DDX10: variants seen among roughly 807,000 people sequenced by gnomAD.
The protein encoded by DDX10 is DEAD-box helicase 10, also known as probable ATP-dependent RNA helicase DDX10.
DDX10 carries 74 observed loss-of-function variants against 104.3 expected under a neutral mutation model. The ratio of observed to expected loss-of-function variants is 0.71; its 90% CI spans 0.59 to 0.86. The LOEUF is 0.86. DDX10 is among the 40% of genes least tolerant of loss of function. The pLI is 0.00. For missense variants in DDX10, 952 were observed against 1,040.0 expected, an observed-to-expected ratio of 0.92 and a Z score of 1.16; for synonymous variants, 351 against 353.4, an observed-to-expected ratio of 0.99 and a Z score of 0.08.
intron 9 of DDX10, among the ~76,000 whole-genome samples, chr11:108,701,675 CTTTTTTT>C (rs55916940): frequency 6.5e-4 from 50 of 77,400 alleles, no homozygotes; most frequent in African/African-American, 2.1e-3. Context: ...TTCTTCTTCT[CTTTTTTT>C]TTTTTTTTTT....
chr11:108,755,612 A>G (rs1475733426), intron 13 of DDX10, among the ~76,000 whole-genome samples: 2 of 152,098 alleles, frequency 1.3e-5, no homozygotes, highest in South Asian at 4.1e-4. Flanking sequence ...GAGCTTGCAG[A>G]TATTTTATGG....
At chr11:108,852,256 A>G (rs1199250587) in intron 16 of DDX10, 47 bp downstream of exon 16, 2 of 1,460,898 alleles carry the variant, frequency 1.4e-6, no homozygotes, top group East Asian at 4.6e-5. Context: ...TTAAGGTAGA[A>G]TGGACAAAAG....
chr11:108,845,703 T>C (rs569124509), intron 15 of DDX10, among the ~76,000 whole-genome samples: 52 of 152,384 alleles, frequency 3.4e-4, no homozygotes, highest in African/African-American at 1.1e-3. Context: ...CTTCTGTATT[T>C]GACACATTTC....
At chr11:108,887,959 TC>T (rs79322968) in intron 16 of DDX10, among the ~76,000 whole-genome samples, 4 of 151,412 alleles carry the variant, frequency 2.6e-5, no homozygotes, top group African/African-American at 4.9e-5. Context: ...ACAGCTTTTT[TC>T]CCCCCCACTT....
intron 17 of DDX10, among the ~76,000 whole-genome samples, chr11:108,928,394 A>T (rs934791158): frequency 1.3e-5 from 2 of 152,200 alleles, no homozygotes; most frequent in African/African-American, 4.8e-5. Context: ...CAGGTGTGAG[A>T]TATGAATTAC....
chr11:108,776,524 T>G (rs959855760), intron 13 of DDX10, among the ~76,000 whole-genome samples: 1 of 152,104 alleles, frequency 6.6e-6, no homozygotes, highest in East Asian at 1.9e-4. Context: ...GTGGGTACAG[T>G]ACATAGAATT....
At chr11:108,786,127 G>A (rs1341306303) in intron 13 of DDX10, among the ~76,000 whole-genome samples, 3 of 152,018 alleles carry the variant, frequency 2.0e-5, no homozygotes, top group African/African-American at 7.2e-5. Flanking sequence ...TTCAGAAGCA[G>A]GTTGTTTAAT....
chr11:108,709,187 C>T (rs1377466317), intron 10 of DDX10, among the ~76,000 whole-genome samples: 1 of 152,098 alleles, frequency 6.6e-6, no homozygotes, highest in East Asian at 1.9e-4. Context: ...GGAGAGCTTC[C>T]AGTTTCTCAC....
At chr11:108,857,834 G>A (rs1483370351) in intron 16 of DDX10, among the ~76,000 whole-genome samples, 1 of 152,206 alleles carries the variant, frequency 6.6e-6, no homozygotes, top group East Asian at 1.9e-4. Flanking sequence ...CAATTTGAGA[G>A]TCTTAAAAAC....
chr11:108,927,594 A>G (rs1017342545), intron 17 of DDX10, among the ~76,000 whole-genome samples: 7 of 151,336 alleles, frequency 4.6e-5, no homozygotes, highest in African/African-American at 7.3e-5. Context: ...TTTTTCTTCT[A>G]TGTTGCCTTG....
chr11:108,771,058 T>G (rs548761349), intron 13 of DDX10, among the ~76,000 whole-genome samples: 1 of 152,228 alleles, frequency 6.6e-6, no homozygotes, highest in Non-Finnish European at 1.5e-5. Context: ...TGGGGTGAGA[T>G]GATAACCTCA....
At chr11:108,872,443 T>C (rs192050759) in intron 16 of DDX10, among the ~76,000 whole-genome samples, 15 of 152,334 alleles carry the variant, frequency 9.8e-5, no homozygotes, top group African/African-American at 3.1e-4. Flanking sequence ...TTAGCACTTA[T>C]GTAAGTTTGT....
chr11:108,911,565 T>C (rs1863679892), intron 16 of DDX10, among the ~76,000 whole-genome samples: 1 of 128,856 alleles, frequency 7.8e-6, no homozygotes. Context: ...TCTTTTTTTT[T>C]TTTTTTTTTT....
chr11:108,867,635 A>C (rs980228391), intron 16 of DDX10, among the ~76,000 whole-genome samples: 1 of 152,200 alleles, frequency 6.6e-6, no homozygotes, highest in African/African-American at 2.4e-5. Context: ...ACTAATTTTC[A>C]TTTTAGTCAT....
At chr11:108,778,321 G>T (rs898661547) in intron 13 of DDX10, among the ~76,000 whole-genome samples, 10 of 152,192 alleles carry the variant, frequency 6.6e-5, no homozygotes, top group Non-Finnish European at 1.5e-4. Context: ...AACCAAAACA[G>T]CATGGTACTG....
At chr11:108,895,749 C>G (rs1863432089) in intron 16 of DDX10, among the ~76,000 whole-genome samples, 1 of 151,992 alleles carries the variant, frequency 6.6e-6, no homozygotes, top group African/African-American at 2.4e-5. Flanking sequence ...ATCACAAGTC[C>G]TATTTTAATA....
At chr11:108,761,089 G>T (rs1293476642) in intron 13 of DDX10, among the ~76,000 whole-genome samples, 1 of 151,858 alleles carries the variant, frequency 6.6e-6, no homozygotes. Context: ...AATAATTTTC[G>T]AGTTCTCATC....
chr11:108,730,779 C>T (rs765149195), intron 13 of DDX10, among the ~76,000 whole-genome samples: 29 of 150,994 alleles, frequency 1.9e-4, no homozygotes, highest in South Asian at 8.4e-4. Flanking sequence ...TTGTAAAATT[C>T]GGTTTACTAA....
At chr11:108,690,921 C>T (rs78204096) in intron 7 of DDX10, 5,130 of 153,824 alleles carry the variant, frequency 0.033, 286 homozygotes, top group African/African-American at 0.12. Flanking sequence ...TTCCTTGTCC[C>T]GTGGACCCTT....
Sources: gnomAD v4.1 joint callset for allele counts (sites outside exome capture counted in the v4.1 genomes callset) on GRCh38, gnomAD v4.1.1 for gene constraint, MANE v1.5 for transcripts, NCBI Gene and HGNC (gene_info 2026-07-23, HGNC 2026-07-21) for gene names.